Variants in TMEM132D observed in about 807,000 individuals in gnomAD.
The protein encoded by TMEM132D is mature OL transmembrane protein.
In TMEM132D, 21 loss-of-function variants were observed where a neutral mutation model predicts 62.3. The ratio of observed to expected loss-of-function variants is 0.34; its 90% confidence interval spans 0.24 to 0.49. The LOEUF is 0.49. Among genes scored for constraint, TMEM132D ranks in the 20% least tolerant of loss-of-function variants. TMEM132D has a pLI of 0.99. For synonymous variants in TMEM132D, 621 were observed against 575.6 expected, an observed-to-expected ratio of 1.08 and a Z score of -1.13; for missense variants, 1,346 against 1,402.8, an observed-to-expected ratio of 0.96 and a Z score of 0.65.
intron 1 of TMEM132D, among the ~76,000 whole-genome samples, chr12:129,717,797 C>T (rs1868643601): frequency 6.6e-6 from 1 of 152,022 alleles, no homozygotes; most frequent in African/African-American, 2.4e-5. Context: ...AACTTAGGAT[C>T]CAAGAACTCT....
intron 2 of TMEM132D, among the ~76,000 whole-genome samples, chr12:129,670,016 C>T (rs551408896): frequency 2.6e-5 from 4 of 152,256 alleles, no homozygotes; most frequent in South Asian, 2.1e-4. Flanking sequence ...GAAGCCAGAG[C>T]GATCGGCTGC....
At chr12:129,586,551 G>A (rs1196462213) in intron 2 of TMEM132D, among the ~76,000 whole-genome samples, 2 of 152,142 alleles carry the variant, frequency 1.3e-5, no homozygotes, top group Non-Finnish European at 2.9e-5. Flanking sequence ...CCTCTACCAG[G>A]CTGTAGACAA....
intron 1 of TMEM132D, among the ~76,000 whole-genome samples, chr12:129,792,294 C>G (rs1871421753): frequency 6.6e-6 from 1 of 152,140 alleles, no homozygotes. Context: ...CCAACTACAC[C>G]TCTCACCATT....
chr12:129,594,530 A>T (rs1344545000), intron 2 of TMEM132D, among the ~76,000 whole-genome samples: 1 of 152,220 alleles, frequency 6.6e-6, no homozygotes, highest in Non-Finnish European at 1.5e-5. Flanking sequence ...AGACTGTTGG[A>T]AAGCACAGCC....
At chr12:129,558,925 A>T (rs1222579040) in intron 2 of TMEM132D, among the ~76,000 whole-genome samples, 3 of 152,236 alleles carry the variant, frequency 2.0e-5, no homozygotes, top group African/African-American at 4.8e-5. Context: ...AAAACTGTAC[A>T]GTAATCCGTC....
At chr12:129,392,033 A>C (rs943976094) in intron 3 of TMEM132D, among the ~76,000 whole-genome samples, 5 of 151,786 alleles carry the variant, frequency 3.3e-5, no homozygotes, top group Non-Finnish European at 5.9e-5. Flanking sequence ...TTGGGATTAC[A>C]GGCGTGAGCC....
intron 3 of TMEM132D, among the ~76,000 whole-genome samples, chr12:129,395,981 T>C (rs1161034916): frequency 6.8e-6 from 1 of 147,120 alleles, no homozygotes; most frequent in Non-Finnish European, 1.5e-5. Context: ...CATATAAATA[T>C]ATATTATATA....
intron 3 of TMEM132D, among the ~76,000 whole-genome samples, chr12:129,487,033 G>GA (rs35021126): frequency 0.43 from 61,888 of 145,484 alleles, 14,327 homozygotes; most frequent in Non-Finnish European, 0.52. Flanking sequence ...TTTGCGTATG[G>GA]GGGGGGGGGT....
chr12:129,451,601 A>G (rs960022933), intron 3 of TMEM132D, among the ~76,000 whole-genome samples: 2 of 152,228 alleles, frequency 1.3e-5, no homozygotes, highest in African/African-American at 4.8e-5. Flanking sequence ...TTGAATAATA[A>G]AGCAGAGGTA....
intron 1 of TMEM132D, among the ~76,000 whole-genome samples, chr12:129,863,970 T>C (rs528772305): frequency 6.6e-6 from 1 of 152,210 alleles, no homozygotes; most frequent in Non-Finnish European, 1.5e-5. Flanking sequence ...CACTCATCCC[T>C]TTAAAGTGTG....
intron 3 of TMEM132D, among the ~76,000 whole-genome samples, chr12:129,513,904 C>G (rs1875588794): frequency 6.6e-6 from 1 of 151,234 alleles, no homozygotes; most frequent in South Asian, 2.1e-4. Flanking sequence ...GTGGCACGAT[C>G]TCGGCTGACT....
intron 2 of TMEM132D, among the ~76,000 whole-genome samples, chr12:129,566,118 G>T (rs887292205): frequency 3.3e-5 from 5 of 152,168 alleles, no homozygotes; most frequent in African/African-American, 4.8e-5. Context: ...TCACTGAAAA[G>T]AATGACTAAG....
At chr12:129,522,089 G>A (rs1034513592) in intron 3 of TMEM132D, among the ~76,000 whole-genome samples, 9 of 152,146 alleles carry the variant, frequency 5.9e-5, no homozygotes, top group South Asian at 4.1e-4. Flanking sequence ...TCATATGCCC[G>A]TATTGCCAGT....
At chr12:129,378,874 G>A (rs1870857413) in intron 3 of TMEM132D, among the ~76,000 whole-genome samples, 1 of 152,128 alleles carries the variant, frequency 6.6e-6, no homozygotes, top group Admixed American at 6.6e-5. Flanking sequence ...AATGTCTTAA[G>A]CAGCTTCAGA....
intron 1 of TMEM132D, among the ~76,000 whole-genome samples, chr12:129,851,338 T>C (rs987684499): frequency 7.2e-5 from 11 of 152,228 alleles, no homozygotes; most frequent in African/African-American, 1.9e-4. Flanking sequence ...TTATAGAGAC[T>C]CTTTTAAACC....
intron 1 of TMEM132D, among the ~76,000 whole-genome samples, chr12:129,819,006 G>C (rs2056823407): frequency 6.6e-6 from 1 of 151,732 alleles, no homozygotes; most frequent in South Asian, 2.1e-4. Flanking sequence ...CTGTACTCCA[G>C]ACTGGGTGAC....
intron 3 of TMEM132D, among the ~76,000 whole-genome samples, chr12:129,454,013 G>A (rs1174482519): frequency 1.3e-5 from 2 of 152,206 alleles, no homozygotes; most frequent in African/African-American, 4.8e-5. Context: ...ATGGGTACCA[G>A]GCAGCAACTA....
At chr12:129,348,167 AC>A (rs1326430279) in intron 3 of TMEM132D, among the ~76,000 whole-genome samples, 18 of 152,290 alleles carry the variant, frequency 1.2e-4, no homozygotes, top group Middle Eastern at 3.4e-3. Context: ...AGGATCTAGA[AC>A]CAGAAATACC....
intron 2 of TMEM132D, among the ~76,000 whole-genome samples, chr12:129,681,935 T>A (rs1420237783): frequency 6.6e-6 from 1 of 152,200 alleles, no homozygotes; most frequent in East Asian, 1.9e-4. Context: ...CTTAAAAAAA[T>A]CAGTTTACTT....
Sources: allele counts gnomAD v4.1 joint callset (sites outside exome capture counted in the v4.1 genomes callset), GRCh38; gene constraint gnomAD v4.1.1; transcripts MANE v1.5; gene names NCBI Gene and HGNC (gene_info 2026-07-23, HGNC 2026-07-21).